Variants in YEATS2 observed in about 807,000 individuals in gnomAD.
The protein encoded by YEATS2 is YEATS domain containing 2, also known as YEATS domain-containing protein 2.
Under a neutral mutation model 163.2 loss-of-function variants are expected in YEATS2, and 77 were observed. That is an observed-to-expected ratio of 0.47 (90% confidence interval 0.39 to 0.57). YEATS2 has a LOEUF of 0.57. Among genes scored for constraint, YEATS2 ranks in the 20% least tolerant of loss-of-function variants. YEATS2 has a pLI of 0.00. For missense variants in YEATS2, 1,549 were observed against 1,729.8 expected (o/e 0.90, Z 1.85); for synonymous variants, 631 against 645.1 (o/e 0.98, Z 0.33).
intron 23 of YEATS2, among the ~76,000 whole-genome samples, chr3:183,799,439 G>A (rs1725453364): frequency 1.3e-5 from 2 of 152,144 alleles, no homozygotes; most frequent in African/African-American, 4.8e-5. Flanking sequence ...GGAGTCAAGG[G>A]GTAGGCCAGA....
chr3:183,779,776 C>T (rs1362161861), intron 19 of YEATS2, among the ~76,000 whole-genome samples: 1 of 151,968 alleles, frequency 6.6e-6, no homozygotes, highest in African/African-American at 2.4e-5. Context: ...CGGCTCACTG[C>T]AGCCTCCGCC....
chr3:183,733,954 A>T (rs12163610), intron 7 of YEATS2, among the ~76,000 whole-genome samples: 5 of 152,040 alleles, frequency 3.3e-5, no homozygotes, highest in Admixed American at 2.0e-4. Flanking sequence ...GAAACCAAAA[A>T]GGTCTTCCTG....
At chr3:183,752,292 G>A (rs1268164131) in intron 10 of YEATS2, 39 bp downstream of exon 10, 1 of 1,610,648 alleles carries the variant, frequency 6.2e-7, no homozygotes, top group African/African-American at 1.3e-5. Flanking sequence ...TTGTTCTGAG[G>A]CATTCCTTTC....
rs183036535 is a variant in YEATS2 at position 183,724,309 on chromosome 3, T to A, written c.538-110T>A. 7 of 810,398 alleles carry A rather than the reference T, an allele frequency of 8.6e-6. No homozygotes were observed. The East Asian group carries it at 1.9e-4, about 22-fold the overall frequency. The allele number at this position is 810,398 out of a possible 1,614,324, so 50.2% of individuals were successfully genotyped here. The stretch of plus-strand genomic sequence containing the variant: ...GCTACAAAGCCAGAAAATTTTGTAA[T>A]TTTTTAAAAAAACTTAGTTATTCCA... On this transcript the variant is annotated intron_variant, in intron 5 of 30. Coordinates refer to ENST00000305135, the MANE Select transcript of YEATS2 (RefSeq NM_018023.5).
rs146835303 is a variant in YEATS2, at chr3:183,761,488, T to A, written c.1657-19T>A. ...ACCCATTTCTCCTGATTGTAAAATA[T>A]GTATTTTTACACACACAGCAGGAGG... On this transcript the variant is annotated intron_variant, in intron 13 of 30. Transcript: ENST00000305135. The A allele has an allele frequency of 6.3e-7, 1 of 1,590,202 alleles. No homozygotes were observed. The highest frequency in any genetic ancestry group is 1.3e-5 in the African/African-American group (1 of 74,586).
rs757331503 is a variant in YEATS2 at position 183,761,498 on chromosome 3, C to T, written c.1657-9C>T. Reference sequence around the variant, plus strand: ...CCTGATTGTAAAATATGTATTTTTACACACACAGCAGGAGGATTCTTTGTT... The same window carrying T: ...CCTGATTGTAAAATATGTATTTTTATACACACAGCAGGAGGATTCTTTGTT... On this transcript the variant is annotated splice_polypyrimidine_tract_variant and intron_variant, in intron 13 of 30. Transcript: ENST00000305135. The T allele has an allele frequency of 3.4e-5, 55 of 1,610,048 alleles. No individual in the cohort carries two copies. The highest frequency in any genetic ancestry group is 1.6e-4 in the Middle Eastern group (1 of 6,066).
intron 1 of YEATS2, among the ~76,000 whole-genome samples, chr3:183,703,291 T>C (rs1268961063): frequency 1.3e-5 from 2 of 152,208 alleles, no homozygotes; most frequent in African/African-American, 4.8e-5. Flanking sequence ...AAAAGTGATA[T>C]GTTAGCCAGC....
chr3:183,797,601 C>T (rs1343314369), intron 21 of YEATS2, among the ~76,000 whole-genome samples: 1 of 151,266 alleles, frequency 6.6e-6, no homozygotes, highest in African/African-American at 2.4e-5. Flanking sequence ...TGGCTCATGT[C>T]TGTAATCCCA....
intron 19 of YEATS2, among the ~76,000 whole-genome samples, chr3:183,784,642 G>A (rs1210399800): frequency 6.6e-6 from 1 of 151,990 alleles, no homozygotes; most frequent in Admixed American, 6.6e-5. Flanking sequence ...TGCAATTGTT[G>A]TTGATGCTTC....
chr3:183,768,332 C>G (rs1361475138), intron 15 of YEATS2, among the ~76,000 whole-genome samples: 1 of 152,184 alleles, frequency 6.6e-6, no homozygotes, highest in Non-Finnish European at 1.5e-5. Flanking sequence ...AAGTCGCTCT[C>G]ACTTCTGCAC....
intron 19 of YEATS2, among the ~76,000 whole-genome samples, chr3:183,784,059 C>G (rs1469795533): frequency 6.6e-6 from 1 of 152,174 alleles, no homozygotes; most frequent in Non-Finnish European, 1.5e-5. Flanking sequence ...TCCTGTGACA[C>G]CATGGCCAGC....
chr3:183,776,017 G>A lies in YEATS2; in HGVS notation c.2471G>A (p.Gly824Glu). Reference protein sequence around the residue: ...GSGSGGGGSTGGGGGTAGGGT... With the variant: ...GSGSGGGGSTEGGGGTAGGGT... ...GGCAGCGGTGGAGGCGGCAGCACAG[G>A]AGGAGGAGGAGGAACAGCAGGAGGA... The change falls in exon 18 of 31, where the codon GGA (glycine) becomes GAA (glutamate). Residue 824 changes from glycine (G) to glutamate (E), a missense_variant. By Grantham distance (98) the Gly-to-Glu change is moderately conservative. Coordinates refer to ENST00000305135, the MANE Select transcript of YEATS2 (RefSeq NM_018023.5). 4 of 1,569,660 alleles carry A rather than the reference G, an allele frequency of 2.5e-6. No individual in the cohort carries two copies. Among genetic ancestry groups the A allele is most frequent in the Non-Finnish European group, 3.5e-6 (4 of 1,146,570 alleles).
chr3:183,790,916 C>T lies in YEATS2; in HGVS notation c.3033C>T (p.Thr1011=), dbSNP rs377202220. Residue 1011 remains threonine (T), a synonymous_variant, in exon 21 of 31, where the codon ACC becomes ACT. Coordinates refer to ENST00000305135, the MANE Select transcript of YEATS2 (RefSeq NM_018023.5). The part of the protein sequence containing the change: ...TVGTCKAATP[T]VVSATSLVPT... ...GAACCTGCAAGGCTGCCACCCCCAC[C>T]GTCGTCAGCGCCACGTCCCTCGTGC... 1.4e-4 allele frequency: 221 copies of T among 1,614,198 alleles called. No individual in the cohort carries two copies. The Admixed American group carries it at 2.2e-3, about 16-fold the overall frequency.
chr3:183,747,664 T>C lies in YEATS2; in HGVS notation c.925-8T>C. The C allele has an allele frequency of 6.2e-7, 1 of 1,611,844 alleles. No individual in the cohort carries two copies. The highest frequency in any genetic ancestry group is 8.5e-7 in the Non-Finnish European group (1 of 1,178,344). On this transcript the variant is annotated splice_region_variant and splice_polypyrimidine_tract_variant and intron_variant, in intron 8 of 30. Coordinates refer to ENST00000305135, the MANE Select transcript of YEATS2 (RefSeq NM_018023.5). ...AAATTTAACACTCTCCCTTTTGTCT[T>C]TCCATAGCTGGATAGAACTTATACT...
intron 1 of YEATS2, among the ~76,000 whole-genome samples, chr3:183,702,090 G>T (rs1714152551): frequency 6.6e-6 from 1 of 152,184 alleles, no homozygotes; most frequent in Non-Finnish European, 1.5e-5. Flanking sequence ...TCCATGAAGT[G>T]AACTCCAGCC....
chr3:183,771,542 CCTTTTTTT>C (rs1287235804), intron 15 of YEATS2, among the ~76,000 whole-genome samples: 14 of 60,810 alleles, frequency 2.3e-4, no homozygotes, highest in African/African-American at 1.4e-3. Context: ...ATTATTCTTG[CCTTTTTTT>C]TTTTTTTTTT....
chr3:183,778,851 C>A (rs946390582), intron 19 of YEATS2, among the ~76,000 whole-genome samples: 18 of 152,028 alleles, frequency 1.2e-4, no homozygotes, highest in Non-Finnish European at 2.5e-4. Context: ...CCATATTAGC[C>A]TGGAGTTTTC....
rs375495208 is a variant in YEATS2 at position 183,811,474 on chromosome 3, G to A, written c.*891G>A. On this transcript the variant is annotated 3_prime_UTR_variant, in exon 31 of 31. Transcript: ENST00000305135. ...CCGGCAGGCTCTTCTGGGGTCGTCT[G>A]TCCTATCCGTGGATTGTATATACTC... 2.0e-5 allele frequency: 3 copies of A among 152,694 alleles called. No individual in the cohort carries two copies. The highest frequency in any genetic ancestry group is 2.0e-4 in the Admixed American group (3 of 15,284). 9.5% of individuals were successfully genotyped at this position (152,694 alleles called of 1,614,324 possible). A position where few individuals can be genotyped will look rare whatever the true frequency, so the allele number is the denominator to read the frequency against.
intron 15 of YEATS2, among the ~76,000 whole-genome samples, chr3:183,762,514 A>AGG (rs1329137848): frequency 6.6e-6 from 1 of 152,200 alleles, no homozygotes; most frequent in East Asian, 1.9e-4. Flanking sequence ...GCCAAGAGGC[A>AGG]GGGGAACACT....
Sources: allele counts gnomAD v4.1 joint callset (sites outside exome capture counted in the v4.1 genomes callset), GRCh38; gene constraint gnomAD v4.1.1; transcripts MANE v1.5; gene names NCBI Gene and HGNC (gene_info 2026-07-23, HGNC 2026-07-21).